The following CADPS variants were observed in gnomAD, a reference collection of about 807,000 sequenced individuals.
The protein encoded by CADPS is calcium dependent secretion activator.
A neutral mutation model predicts 167.3 loss-of-function variants in CADPS; 57 were observed. The observed-to-expected ratio is 0.34, with a 90% CI of 0.28 to 0.42. CADPS has a LOEUF of 0.42. CADPS is among the 20% of genes least tolerant of loss of function. The pLI is 1.00. For synonymous variants in CADPS, 676 were observed against 635.3 expected, an observed-to-expected ratio of 1.06 and a Z score of -0.96; for missense variants, 1,414 against 1,738.1, an observed-to-expected ratio of 0.81 and a Z score of 3.32.
At chr3:62,568,027 C>A (rs2080591608) in intron 9 of CADPS, among the ~76,000 whole-genome samples, 1 of 152,116 alleles carries the variant, frequency 6.6e-6, no homozygotes, top group African/African-American at 2.4e-5. Context: ...ACTGTCAATC[C>A]AAGTGCCATC....
chr3:62,530,130 A>G (rs1160435654), intron 13 of CADPS, among the ~76,000 whole-genome samples: 1 of 152,216 alleles, frequency 6.6e-6, no homozygotes, highest in African/African-American at 2.4e-5. Flanking sequence ...TTAATTTGGT[A>G]ATAGAATTTA....
At position 62,520,291 on chromosome 3, in the gene CADPS, T is replaced by C. The variant is rs574246822; in HGVS notation, c.2292-2041A>G. On this transcript the variant is annotated intron_variant, in intron 13 of 29. Transcript: ENST00000383710. Reference sequence around the variant, plus strand: ...GCAGCTTTCTGCTTTGTGTCTGAGATGATAAAAACTGAACATTTAGTGTAT... The same window carrying C: ...GCAGCTTTCTGCTTTGTGTCTGAGACGATAAAAACTGAACATTTAGTGTAT... 2.0e-5 allele frequency among the ~76,000 whole-genome samples: 3 copies of C among 152,352 alleles called. No homozygotes were observed. The South Asian group carries it at 6.2e-4, about 32-fold the overall frequency.
chr3:62,556,994 A>AACACACACACACACACACACACAC (rs56228621), intron 10 of CADPS, among the ~76,000 whole-genome samples: 1 of 143,558 alleles, frequency 7.0e-6, no homozygotes. Context: ...GGTGAAAAAC[A>AACACACACACACACACACACACAC]ACACACACAC....
At chr3:62,550,703 G>A in intron 10 of CADPS, 1 of 425,962 alleles carries the variant, frequency 2.3e-6, no homozygotes, top group South Asian at 1.7e-5. Context: ...CTCCTTTTCT[G>A]CCTTACAACC....
chr3:62,573,727 C>T (rs2081746137), intron 8 of CADPS, among the ~76,000 whole-genome samples: 1 of 152,200 alleles, frequency 6.6e-6, no homozygotes, highest in Non-Finnish European at 1.5e-5. Context: ...TTGATGTCAT[C>T]ATCTCCTAGG....
chr3:62,421,181 C>T lies in CADPS; in HGVS notation c.3777+16923G>A, dbSNP rs967646117. 4.6e-5 allele frequency among the ~76,000 whole-genome samples: 7 copies of T among 152,098 alleles called. No homozygotes were observed. Among genetic ancestry groups the T allele is most frequent in the Non-Finnish European group, 5.9e-5 (4 of 68,028 alleles). On this transcript the variant is annotated intron_variant, in intron 28 of 29. Transcript: ENST00000383710. The surrounding 1 kb of genome is among the most constrained non-coding windows in gnomAD (Gnocchi z 4.7). ...TAGCCATGAGTTAATACGTGAGGCC[C>T]GGATCACTCTGCCTTGCCGTCAATG... is the stretch of plus-strand genomic sequence containing the variant.
chr3:62,651,714 A>G (rs1338502826), intron 4 of CADPS, among the ~76,000 whole-genome samples: 1 of 152,206 alleles, frequency 6.6e-6, no homozygotes, highest in Non-Finnish European at 1.5e-5. Flanking sequence ...TTATACATTT[A>G]GTTGTAATTG....
chr3:62,451,267 C>A lies in CADPS; in HGVS notation c.3637-5470G>T, dbSNP rs1022404598. On this transcript the variant is annotated intron_variant, in intron 26 of 29. Coordinates refer to ENST00000383710, the MANE Select transcript of CADPS (RefSeq NM_003716.4). ...CAAGGTAATCTTTTCATTGAGCACT[C>A]ACCATTCTGGGGTTTTCACAATGCT... 8.6e-5 allele frequency among the ~76,000 whole-genome samples: 13 copies of A among 152,038 alleles called. 1 individual carries two copies.
rs75920151 is a variant in CADPS at position 62,560,764 on chromosome 3, G to A, written c.1645-3251C>T. 1.6e-3 allele frequency among the ~76,000 whole-genome samples: 245 copies of A among 152,266 alleles called. 3 individuals are homozygous for A. Among genetic ancestry groups the A allele is most frequent in the African/African-American group, 5.6e-3 (232 of 41,566 alleles). On this transcript the variant is annotated intron_variant, in intron 9 of 29. Transcript: ENST00000383710. ...CAGTCACGTGCTTAAACTACAGAAT[G>A]CTTTGAAGTAATGTTCCTTAAAGAG...
intron 8 of CADPS, among the ~76,000 whole-genome samples, chr3:62,581,449 T>TA (rs549450552): frequency 0.024 from 2,935 of 121,488 alleles, 68 homozygotes; most frequent in African/African-American, 0.057. Context: ...GTTAGAAAAT[T>TA]AAAAAAAAAA....
intron 6 of CADPS, among the ~76,000 whole-genome samples, chr3:62,635,276 GGCAGAACTGGGACAACACACCCAGA>G (rs2066065505): frequency 6.6e-6 from 1 of 152,072 alleles, no homozygotes; most frequent in Non-Finnish European, 1.5e-5. Context: ...CACATGGCAG[GGCAGAACTGGGACAACACACCCAGA>G]GCCTTCTGCC....
rs1007714254 is a variant in CADPS at position 62,701,122 on chromosome 3, C to T, written c.889-38728G>A. On this transcript the variant is annotated intron_variant, in intron 3 of 29. Transcript: ENST00000383710. ...AAGGCCCCACCTCATAATACTATCA[C>T]GCTGAACGTTACGATTTCAACATAT... Among the ~76,000 whole-genome samples the T allele has an allele frequency of 7.9e-5, 12 of 152,088 alleles. 1 individual carries two copies. Among genetic ancestry groups the T allele is most frequent in the South Asian group, 4.1e-4 (2 of 4,830 alleles).
intron 3 of CADPS, among the ~76,000 whole-genome samples, chr3:62,718,691 T>C (rs765830944): frequency 6.6e-6 from 1 of 152,198 alleles, no homozygotes; most frequent in African/African-American, 2.4e-5. Flanking sequence ...AGATGACACA[T>C]TCTAATCCTA....
At chr3:62,435,908 C>T (rs1415834137) in intron 28 of CADPS, among the ~76,000 whole-genome samples, 2 of 151,920 alleles carry the variant, frequency 1.3e-5, no homozygotes, top group Non-Finnish European at 2.9e-5. Context: ...CTAACTATAA[C>T]TTGCTTTCGG....
intron 5 of CADPS, among the ~76,000 whole-genome samples, chr3:62,648,350 T>A (rs1030719828): frequency 6.6e-6 from 1 of 152,104 alleles, no homozygotes; most frequent in Admixed American, 6.6e-5. Context: ...TTTCAGATAA[T>A]CAGCTGTGTA....
intron 29 of CADPS, among the ~76,000 whole-genome samples, chr3:62,400,958 A>C (rs1705864198): frequency 6.6e-6 from 1 of 152,190 alleles, no homozygotes; most frequent in South Asian, 2.1e-4. Context: ...TCACAATGTC[A>C]ACCCCTCTTG....
At chr3:62,591,576 G>C (rs2086047134) in intron 7 of CADPS, among the ~76,000 whole-genome samples, 1 of 152,128 alleles carries the variant, frequency 6.6e-6, no homozygotes, top group Non-Finnish European at 1.5e-5. Flanking sequence ...GGGGTGAAGA[G>C]GTGAGCAGAA....
intron 1 of CADPS, among the ~76,000 whole-genome samples, chr3:62,819,338 T>C (rs2094779944): frequency 6.6e-6 from 1 of 151,940 alleles, no homozygotes; most frequent in African/African-American, 2.4e-5. Context: ...AAGGTTTTAG[T>C]GATGATGCTC....
chr3:62,687,734 A>ATTTTTT lies in CADPS; in HGVS notation c.889-25346_889-25341dup, dbSNP rs201429638. On this transcript the variant is annotated intron_variant, in intron 3 of 29. Coordinates refer to ENST00000383710, the MANE Select transcript of CADPS (RefSeq NM_003716.4). Reference sequence around the variant, plus strand: ...TTGCTACTTCCGGGGTTCCCTTCGCATTTTTTTTTTTTTTTTTTGCTTCTA... The same window carrying ATTTTTT: ...TTGCTACTTCCGGGGTTCCCTTCGCATTTTTTTTTTTTTTTTTTTTTTTTGCTTCTA... 8.6e-5 allele frequency among the ~76,000 whole-genome samples: 11 copies of ATTTTTT among 128,314 alleles called. 1 individual carries two copies. Among genetic ancestry groups the ATTTTTT allele is most frequent in the South Asian group, 5.1e-4 (2 of 3,928 alleles). 84.2% of individuals were successfully genotyped at this position (128,314 alleles called of 152,430 possible). A position where few individuals can be genotyped will look rare whatever the true frequency, so the allele number is the denominator to read the frequency against.
Sources: allele counts gnomAD v4.1 joint callset (sites outside exome capture counted in the v4.1 genomes callset), GRCh38; gene constraint gnomAD v4.1.1; non-coding constraint Gnocchi (gnomAD v3.1); transcripts MANE v1.5; gene names NCBI Gene and HGNC (gene_info 2026-07-23, HGNC 2026-07-21).